APBB2: variants seen among roughly 807,000 people sequenced by gnomAD.
APBB2 encodes Fe65-like 1.
Under a neutral mutation model 82.5 loss-of-function variants are expected in APBB2, and 38 were observed. That is an observed-to-expected ratio of 0.46 (90% CI 0.36 to 0.60). APBB2 has a LOEUF of 0.60. APBB2 is among the 20% of genes least tolerant of loss of function. APBB2 has a pLI of 0.00. For missense variants in APBB2, 772 were observed against 972.3 expected (o/e 0.79, Z 2.74); for synonymous variants, 341 against 368.2 (o/e 0.93, Z 0.85).
intron 6 of APBB2, among the ~76,000 whole-genome samples, chr4:40,995,468 G>A (rs1312737412): frequency 3.3e-5 from 5 of 151,642 alleles, no homozygotes; most frequent in East Asian, 1.9e-4. Flanking sequence ...AGGGTCAAGC[G>A]ATCTTCTGGC....
intron 15 of APBB2, chr4:40,825,653 C>G: frequency 2.0e-6 from 1 of 493,770 alleles, no homozygotes; most frequent in Non-Finnish European, 3.7e-6. Flanking sequence ...AAATCCACGT[C>G]TGTATTGCTA....
chr4:41,018,547 C>T (rs1053734163), intron 5 of APBB2, among the ~76,000 whole-genome samples: 2 of 152,122 alleles, frequency 1.3e-5, no homozygotes, highest in Non-Finnish European at 2.9e-5. Context: ...CCTGAGGCAA[C>T]AGCAGGAGGA....
intron 6 of APBB2, among the ~76,000 whole-genome samples, chr4:40,970,289 A>T (rs1795622509): frequency 6.6e-6 from 1 of 152,212 alleles, no homozygotes. Flanking sequence ...TGAATAAGTG[A>T]GAACTTGACT....
At chr4:40,862,776 T>C (rs1286436600) in intron 12 of APBB2, among the ~76,000 whole-genome samples, 1 of 150,942 alleles carries the variant, frequency 6.6e-6, no homozygotes, top group Non-Finnish European at 1.5e-5. Flanking sequence ...GGAGAATCAC[T>C]TGAACCTGTG....
At chr4:41,084,706 A>G (rs370026836) in intron 3 of APBB2, 2 of 152,232 alleles carry the variant, frequency 1.3e-5, no homozygotes, top group African/African-American at 2.4e-5. Flanking sequence ...GAAGTATTCC[A>G]TATTTTTAAT....
chr4:40,816,139 G>C lies in APBB2; in HGVS notation c.2233C>G (p.Leu745Val). 6.8e-6 allele frequency: 11 copies of C among 1,614,150 alleles called. No homozygotes were observed. The highest frequency in any genetic ancestry group is 9.3e-6 in the Non-Finnish European group (11 of 1,180,030). The stretch of plus-strand genomic sequence containing the variant: ...CGTTTCTGTTTCAAAGTGTCAATGA[G>C]GGATAAGACCCCTCGTTTTACATTG... ...TTNVKRGVLSLIDTLKQKRPV... is the reference protein window; with the variant it reads ...TTNVKRGVLSVIDTLKQKRPV... Residue 745 changes from leucine (L) to valine (V), a missense_variant, in exon 18 of 18, where the codon CTC becomes GTC. Physicochemically the swap from Leu to Val is conservative, Grantham distance 32. Transcript: ENST00000508593.
intron 12 of APBB2, among the ~76,000 whole-genome samples, chr4:40,843,460 G>C (rs1243728549): frequency 1.4e-5 from 2 of 147,388 alleles, no homozygotes; most frequent in African/African-American, 5.0e-5. Context: ...AACAAGCATG[G>C]TCTTATAAAA....
rs544120930 is a variant in APBB2, at chr4:41,123,058, C to A, written c.-261+19929G>T. 3.3e-5 allele frequency among the ~76,000 whole-genome samples: 5 copies of A among 152,222 alleles called. No homozygotes were observed. In the South Asian group the frequency reaches 1.0e-3, roughly 32 times the overall value. ...CTCACCTGATTCTTGTGGCCAAAAG[C>A]CTTGGCCCAGCACCACATCTCCAGC... is the stretch of plus-strand genomic sequence containing the variant. On this transcript the variant is annotated intron_variant, in intron 2 of 17. Transcript: ENST00000508593.
chr4:40,982,404 A>AG (rs71198620), intron 6 of APBB2, among the ~76,000 whole-genome samples: 1,829 of 80,274 alleles, frequency 0.023, 244 homozygotes, highest in African/African-American at 0.091. Flanking sequence ...AGGAAAGGAA[A>AG]GAAAGAAAGA....
intron 17 of APBB2, among the ~76,000 whole-genome samples, chr4:40,818,575 G>C (rs1186263363): frequency 6.6e-6 from 1 of 152,006 alleles, no homozygotes; most frequent in East Asian, 1.9e-4. Context: ...TTTCTTCACA[G>C]ATCTCCTTTA....
chr4:40,879,103 T>G (rs1767671447), intron 12 of APBB2, among the ~76,000 whole-genome samples: 1 of 151,908 alleles, frequency 6.6e-6, no homozygotes, highest in Non-Finnish European at 1.5e-5. Flanking sequence ...TGAGACCCAG[T>G]GCCTGAGCCC....
intron 1 of APBB2, among the ~76,000 whole-genome samples, chr4:41,151,917 A>G (rs904344827): frequency 6.6e-6 from 1 of 152,082 alleles, no homozygotes; most frequent in African/African-American, 2.4e-5. Context: ...CTCTCTGGAA[A>G]TTATATATAC....
chr4:40,880,366 G>A (rs1200134377), intron 12 of APBB2: 13 of 985,396 alleles, frequency 1.3e-5, no homozygotes, highest in Non-Finnish European at 1.6e-5. Flanking sequence ...AAAAATCTCA[G>A]GATGATGACA....
chr4:41,100,448 C>T (rs28372019), intron 3 of APBB2, among the ~76,000 whole-genome samples, 191 bp downstream of exon 3: 28,011 of 148,546 alleles, frequency 0.19, 2,679 homozygotes, highest in African/African-American at 0.23. Context: ...AGAACATCAT[C>T]TTAATCTCTT....
chr4:40,890,316 C>T, intron 12 of APBB2, 48 bp downstream of exon 12: 1 of 1,583,462 alleles, frequency 6.3e-7, no homozygotes, highest in Non-Finnish European at 8.6e-7. Flanking sequence ...TTCAGCTAGA[C>T]CAGGGACACG....
chr4:40,905,186 A>C (rs1776380925), intron 10 of APBB2, among the ~76,000 whole-genome samples: 1 of 152,084 alleles, frequency 6.6e-6, no homozygotes, highest in Non-Finnish European at 1.5e-5. Flanking sequence ...AATATCGCCC[A>C]CGATATCCAT....
intron 4 of APBB2, among the ~76,000 whole-genome samples, chr4:41,038,140 G>T (rs1478362837): frequency 6.6e-6 from 1 of 151,104 alleles, no homozygotes; most frequent in Non-Finnish European, 1.5e-5. Flanking sequence ...TGCTACTAGG[G>T]ATCAATAAAT....
At chr4:41,062,548 G>A (rs751224900) in intron 4 of APBB2, among the ~76,000 whole-genome samples, 4 of 152,160 alleles carry the variant, frequency 2.6e-5, no homozygotes, top group African/African-American at 4.8e-5. Context: ...AATAAAATAA[G>A]TAACAGTGTT....
At chr4:41,128,969 C>T (rs1483238109) in intron 2 of APBB2, among the ~76,000 whole-genome samples, 2 of 152,146 alleles carry the variant, frequency 1.3e-5, no homozygotes, top group African/African-American at 4.8e-5. Context: ...TACCCCTAAG[C>T]CCCAGTGACG....
Sources: allele counts gnomAD v4.1 joint callset (sites outside exome capture counted in the v4.1 genomes callset), GRCh38; gene constraint gnomAD v4.1.1; transcripts MANE v1.5; gene names NCBI Gene and HGNC (gene_info 2026-07-23, HGNC 2026-07-21).